The following OSBPL1A variants were observed in gnomAD, a reference collection of about 807,000 sequenced individuals.
OSBPL1A encodes the protein oxysterol binding protein like 1A.
A neutral mutation model predicts 137.1 loss-of-function variants in OSBPL1A; 80 were observed. That is an observed-to-expected ratio of 0.58 (90% CI 0.49 to 0.70). The LOEUF is 0.70. Among genes scored for constraint, OSBPL1A ranks in the 30% least tolerant of loss-of-function variants. The pLI is 0.00. For synonymous variants in OSBPL1A, 365 were observed against 389.7 expected, an observed-to-expected ratio of 0.94 and a Z score of 0.75; for missense variants, 970 against 1,129.4, an observed-to-expected ratio of 0.86 and a Z score of 2.02.
intron 14 of OSBPL1A, 126 bp downstream of exon 14, chr18:24,303,511 A>G: frequency 1.6e-6 from 1 of 645,066 alleles, no homozygotes; most frequent in East Asian, 2.7e-5. Context: ...GTTTCAAAAT[A>G]GTTTTATCAA....
Position 24,338,470 on chromosome 18 carries a change from C to T in OSBPL1A, c.394+3077G>A, listed in dbSNP as rs118031271. ...AGTCTATCCTTTGCTGAATACCTCC[C>T]ATCATGTATCTTTCAAGGCAATCCA... is the stretch of plus-strand genomic sequence containing the variant. On this transcript the variant is annotated intron_variant, in intron 5 of 27. Transcript: ENST00000319481. Among the ~76,000 whole-genome samples, 801 of 152,180 alleles carry T rather than the reference C, an allele frequency of 5.3e-3. 5 individuals are homozygous for T. The highest frequency in any genetic ancestry group is 7.9e-3 in the Non-Finnish European group (538 of 68,016).
intron 2 of OSBPL1A, among the ~76,000 whole-genome samples, chr18:24,371,488 G>T (rs1413225979): frequency 6.6e-6 from 1 of 152,122 alleles, no homozygotes; most frequent in African/African-American, 2.4e-5. Context: ...AAGACTAACC[G>T]TTCTCTCTGG....
chr18:24,320,963 A>T (rs746136433), intron 7 of OSBPL1A, among the ~76,000 whole-genome samples: 3 of 147,146 alleles, frequency 2.0e-5, no homozygotes, highest in Non-Finnish European at 4.5e-5. Flanking sequence ...TGAGAGGCGG[A>T]GTTGCAGTGA....
intron 15 of OSBPL1A, among the ~76,000 whole-genome samples, chr18:24,268,841 C>T (rs2089646554): frequency 6.6e-6 from 1 of 152,176 alleles, no homozygotes; most frequent in Non-Finnish European, 1.5e-5. Flanking sequence ...ACGTAGGTGA[C>T]TCCCAATGCT....
intron 17 of OSBPL1A, 103 bp downstream of exon 17, chr18:24,224,939 C>A: frequency 6.9e-7 from 1 of 1,449,720 alleles, no homozygotes. Flanking sequence ...AATATAAATC[C>A]CCTACACGGG....
intron 17 of OSBPL1A, among the ~76,000 whole-genome samples, chr18:24,197,249 A>T (rs981640435): frequency 1.3e-5 from 2 of 152,188 alleles, no homozygotes; most frequent in African/African-American, 2.4e-5. Flanking sequence ...CAGGAGGCTG[A>T]GACAGGAGAA....
chr18:24,330,272 T>C (rs2091052480), intron 7 of OSBPL1A, among the ~76,000 whole-genome samples: 1 of 152,056 alleles, frequency 6.6e-6, no homozygotes, highest in African/African-American at 2.4e-5. Context: ...AAACTGGGGA[T>C]TTCACCTATA....
At chr18:24,358,515 G>C in intron 4 of OSBPL1A, 1 of 702,334 alleles carries the variant, frequency 1.4e-6, no homozygotes, top group Non-Finnish European at 2.6e-6. Flanking sequence ...AACAGATCTA[G>C]AACAAATTAT....
intron 1 of OSBPL1A, among the ~76,000 whole-genome samples, chr18:24,396,867 G>A (rs867126613): frequency 7.9e-5 from 12 of 152,164 alleles, no homozygotes; most frequent in African/African-American, 7.2e-5. Flanking sequence ...CTATTACAGG[G>A]CAAAGACTGA....
At chr18:24,166,298 A>G (rs1264573807) in intron 26 of OSBPL1A, among the ~76,000 whole-genome samples, 1 of 152,206 alleles carries the variant, frequency 6.6e-6, no homozygotes, top group Non-Finnish European at 1.5e-5. Context: ...ATTCTGAAGT[A>G]GACAGTGACT....
chr18:24,318,869 G>A, intron 7 of OSBPL1A, 60 bp from the exon 8 acceptor site: 1 of 1,338,338 alleles, frequency 7.5e-7, no homozygotes, highest in Non-Finnish European at 1.1e-6. Context: ...GACAATCAAT[G>A]CTGTAACTGC....
chr18:24,221,882 T>C (rs886068875), intron 17 of OSBPL1A, among the ~76,000 whole-genome samples: 1 of 152,234 alleles, frequency 6.6e-6, no homozygotes, highest in East Asian at 1.9e-4. Flanking sequence ...TCAGTTTTAA[T>C]TGTAGTTTCT....
intron 4 of OSBPL1A, among the ~76,000 whole-genome samples, chr18:24,363,512 T>A (rs2091657919): frequency 6.8e-6 from 1 of 146,856 alleles, no homozygotes. Flanking sequence ...AGTGGCACAA[T>A]CTTGGCTCAC....
chr18:24,287,302 T>G (rs1423940436), intron 14 of OSBPL1A, among the ~76,000 whole-genome samples: 1 of 152,186 alleles, frequency 6.6e-6, no homozygotes, highest in South Asian at 2.1e-4. Flanking sequence ...AAATGGTAAC[T>G]AGGGTTGAGC....
chr18:24,227,068 T>A (rs1599526440), intron 16 of OSBPL1A, among the ~76,000 whole-genome samples: 1 of 151,990 alleles, frequency 6.6e-6, no homozygotes, highest in East Asian at 1.9e-4. Flanking sequence ...ATTTTTTGTA[T>A]TTTTAGTAAA....
At position 24,334,334 on chromosome 18, in the gene OSBPL1A, C is replaced by A; in HGVS notation, c.395-4G>T. ...CTTTGTTGAGTCCTTTCTACAGCTG[C>A]AAAAGAAAAGTACTTATTATCCACT... On this transcript the variant is annotated splice_polypyrimidine_tract_variant and splice_region_variant and intron_variant, in intron 5 of 27. Coordinates refer to ENST00000319481, the MANE Select transcript of OSBPL1A (RefSeq NM_080597.4). The A allele has an allele frequency of 6.2e-7, 1 of 1,603,854 alleles. No homozygotes were observed. Among genetic ancestry groups the A allele is most frequent in the Admixed American group, 1.7e-5 (1 of 57,504 alleles).
At chr18:24,380,821 A>T (rs569859141) in intron 1 of OSBPL1A, among the ~76,000 whole-genome samples, 1 of 152,180 alleles carries the variant, frequency 6.6e-6, no homozygotes, top group South Asian at 2.1e-4. Context: ...GCATGGTGGC[A>T]CATGCCTGTA....
chr18:24,182,901 C>T (rs1169097307), intron 18 of OSBPL1A, among the ~76,000 whole-genome samples: 3 of 151,868 alleles, frequency 2.0e-5, no homozygotes, highest in Middle Eastern at 3.4e-3. Flanking sequence ...TGGAGTCTCA[C>T]TCTGTCACCC....
chr18:24,222,672 T>C (rs2087930398), intron 17 of OSBPL1A, among the ~76,000 whole-genome samples: 2 of 152,138 alleles, frequency 1.3e-5, no homozygotes, highest in African/African-American at 2.4e-5. Flanking sequence ...GTTGCACAAA[T>C]AGTTCCATGG....
Sources: gnomAD v4.1 joint callset for allele counts (sites outside exome capture counted in the v4.1 genomes callset) on GRCh38, gnomAD v4.1.1 for gene constraint, MANE v1.5 for transcripts, NCBI Gene and HGNC (gene_info 2026-07-23, HGNC 2026-07-21) for gene names.